Variants in USP50 observed in about 807,000 individuals in gnomAD.
USP50 encodes ubiquitin carboxyl-terminal hydrolase 50.
A neutral mutation model predicts 39.2 loss-of-function variants in USP50; 37 were observed. The observed-to-expected ratio is 0.94, with a 90% CI of 0.73 to 1.24. The LOEUF is 1.24. Among genes scored for constraint, USP50 ranks in the 50% most tolerant of loss-of-function variants. The pLI is 0.00. For missense variants in USP50, 374 were observed against 398.2 expected (o/e 0.94, Z 0.52); for synonymous variants, 139 against 144.5 (o/e 0.96, Z 0.27).
At chr15:50,506,271 G>A (rs1436117502) in intron 6 of USP50, 1 of 152,326 alleles carries the variant, frequency 6.6e-6, no homozygotes, top group Non-Finnish European at 1.5e-5. Flanking sequence ...ACAGCAGGAA[G>A]CGAGCGGCAA....
downstream of USP50, chr15:50,498,774 TA>T (rs1390585570): frequency 8.0e-5 from 126 of 1,567,072 alleles, no homozygotes; most frequent in Non-Finnish European, 1.1e-4. Flanking sequence ...AAAGCAAGTT[TA>T]AAAAAAGTTT....
intron 5 of USP50, among the ~76,000 whole-genome samples, chr15:50,531,190 G>A (rs2052937836): frequency 6.6e-6 from 1 of 152,158 alleles, no homozygotes; most frequent in African/African-American, 2.4e-5. Context: ...GGAATGCCAT[G>A]TGATCCAGCA....
chr15:50,542,833 C>T (rs1037821149), intron 3 of USP50, among the ~76,000 whole-genome samples: 2 of 152,134 alleles, frequency 1.3e-5, no homozygotes, highest in African/African-American at 4.8e-5. Context: ...GAACTGAGAT[C>T]TGCCAATGAG....
intron 6 of USP50, chr15:50,501,057 A>C (rs2052576306): frequency 2.1e-6 from 1 of 487,018 alleles, no homozygotes; most frequent in South Asian, 2.4e-5. Context: ...ATCATCTGTG[A>C]ATAAAGAAAG....
chr15:50,541,160 CT>C lies in USP50; in HGVS notation c.548del (p.Glu183GlyfsTer10). On this transcript the variant is annotated frameshift_variant, in exon 4 of 7. Coordinates refer to ENST00000532404, the MANE Select transcript of USP50 (RefSeq NM_203494.5). LOFTEE classifies it high-confidence loss of function. ...ETSIITQLFEEQLNYSIVCLK... is the reference protein window; with the variant it reads ...ETSIITQLFEXQLNYSIVCLK... ...AACATACGATGCTATAATTGAGCTG[CT>C]CTTCAAACAGCTGGGTGATGATGGA... 6.2e-7 allele frequency: 1 copy of C among 1,613,634 alleles called. No homozygotes were observed. Among genetic ancestry groups the C allele is most frequent in the Non-Finnish European group, 8.5e-7 (1 of 1,179,598 alleles).
chr15:50,494,056 T>TTTTA, exon 2 of USP50: 1 of 1,595,808 alleles, frequency 6.3e-7, no homozygotes, highest in Non-Finnish European at 8.5e-7. Context: ...TTGTAACAAC[T>TTTTA]TTTATTTGCA....
At chr15:50,521,858 G>C (rs557275285) in intron 6 of USP50, among the ~76,000 whole-genome samples, 57 of 152,238 alleles carry the variant, frequency 3.7e-4, no homozygotes, top group South Asian at 2.9e-3. Flanking sequence ...TAGCTAGTTG[G>C]GAGGCTAAGG....
intron 5 of USP50, among the ~76,000 whole-genome samples, chr15:50,535,970 G>A (rs886143702): frequency 6.6e-6 from 1 of 152,104 alleles, no homozygotes; most frequent in East Asian, 1.9e-4. Context: ...TAAGAATAGA[G>A]GAGAACTTCT....
intron 5 of USP50, 106 bp from the exon 6 acceptor site, chr15:50,530,035 A>C: frequency 6.7e-7 from 1 of 1,482,540 alleles, no homozygotes; most frequent in Admixed American, 1.9e-5. Context: ...GACTGGGCAC[A>C]GTGGCTCATG....
intron 6 of USP50, chr15:50,513,038 A>T (rs2052757773): frequency 6.6e-6 from 1 of 152,226 alleles, no homozygotes; most frequent in South Asian, 2.1e-4. Context: ...AAAATGTGCA[A>T]AAGACAAATA....
At chr15:50,533,999 C>CA (rs1225834636) in intron 5 of USP50, among the ~76,000 whole-genome samples, 78 of 147,320 alleles carry the variant, frequency 5.3e-4, no homozygotes, top group Middle Eastern at 3.5e-3. Context: ...GACTCCATCT[C>CA]AAAAAAAAAG....
chr15:50,529,971 G>T (rs367711727), intron 5 of USP50, 42 bp from the exon 6 acceptor site: 69 of 1,609,014 alleles, frequency 4.3e-5, no homozygotes, highest in Non-Finnish European at 5.7e-5. Flanking sequence ...GTAAGCTTGT[G>T]AACCACTCAT....
intron 6 of USP50, among the ~76,000 whole-genome samples, chr15:50,529,125 G>T (rs949501557): frequency 2.6e-5 from 4 of 151,980 alleles, no homozygotes; most frequent in Non-Finnish European, 5.9e-5. Context: ...GTTTTTCTAG[G>T]CCTGGCTGCA....
chr15:50,511,553 G>T (rs1346064511), intron 6 of USP50: 1 of 152,026 alleles, frequency 6.6e-6, no homozygotes, highest in East Asian at 1.9e-4. Context: ...AAGGAAATGT[G>T]GTATATCCTA....
chr15:50,529,903 C>T lies in USP50; in HGVS notation c.830G>A (p.Arg277Lys), dbSNP rs762633620. ...KRFDIQGTTK[R>K]KLRTDIHYPL... ...GTAATGAATATCCGTTCTCAGCTTC[C>T]TTTTTGTTGTACCCTGAATGTCAAA... is the stretch of plus-strand genomic sequence containing the variant. The change falls in exon 6 of 7, where the codon AGG becomes AAG. Residue 277 changes from arginine to lysine, a missense_variant. Coordinates refer to ENST00000532404, the MANE Select transcript of USP50 (RefSeq NM_203494.5). The T allele has an allele frequency of 1.2e-6, 2 of 1,613,808 alleles. No homozygotes were observed. Among genetic ancestry groups the T allele is most frequent in the Non-Finnish European group, 1.7e-6 (2 of 1,179,872 alleles).
At chr15:50,541,302 G>T in intron 3 of USP50, 38 bp from the exon 4 acceptor site, 1 of 1,560,596 alleles carries the variant, frequency 6.4e-7, no homozygotes, top group Non-Finnish European at 8.8e-7. Context: ...ATTAATTATT[G>T]GTTATTTAAA....
chr15:50,541,332 T>G, intron 3 of USP50, 68 bp from the exon 4 acceptor site: 1 of 1,390,520 alleles, frequency 7.2e-7, no homozygotes, highest in Non-Finnish European at 1.0e-6. Flanking sequence ...GGCAACATGG[T>G]GAGATCCCAT....
intron 5 of USP50, among the ~76,000 whole-genome samples, chr15:50,537,237 GA>G (rs201961647): frequency 3.5e-5 from 5 of 143,450 alleles, no homozygotes; most frequent in Non-Finnish European, 1.5e-5. Context: ...ATATCCACGC[GA>G]AAAAAAAAAG....
rs1378420910 is a variant in USP50 at position 50,546,629 on chromosome 15, A to C, written c.-104T>G. ...TTAACGCTGGCTTTTTGTTTTAAAC[A>C]ATTGATATGCTCCTCTCTCTTCCAG... is the stretch of plus-strand genomic sequence containing the variant. On this transcript the variant is annotated 5_prime_UTR_variant, in exon 1 of 7. The change creates a new upstream start codon in the 5' untranslated region. Coordinates refer to ENST00000532404, the MANE Select transcript of USP50 (RefSeq NM_203494.5). 2.4e-6 allele frequency: 3 copies of C among 1,246,998 alleles called. No individual in the cohort carries two copies. The highest frequency in any genetic ancestry group is 1.9e-4 in the Middle Eastern group (1 of 5,254). 77.2% of individuals were successfully genotyped at this position (1,246,998 alleles called of 1,614,324 possible).
Sources: gnomAD v4.1 joint callset for allele counts (sites outside exome capture counted in the v4.1 genomes callset) on GRCh38, gnomAD v4.1.1 for gene constraint, MANE v1.5 for transcripts, NCBI Gene and HGNC (gene_info 2026-07-23, HGNC 2026-07-21) for gene names.